PSMB9: variants seen among roughly 807,000 people sequenced by gnomAD.
The protein encoded by PSMB9 is proteasome 20S subunit beta 9.
A neutral mutation model predicts 26.9 loss-of-function variants in PSMB9; 16 were observed. That is an observed-to-expected ratio of 0.59 (90% CI 0.40 to 0.90). The LOEUF is 0.90. PSMB9 is among the 40% of genes least tolerant of loss of function. The probability of loss-of-function intolerance (pLI) is 0.00; values close to 1 mark genes in which losing one functional copy is unlikely to be tolerated. For synonymous variants in PSMB9, 91 were observed against 112.0 expected (o/e 0.81, Z 1.18); for missense variants, 253 against 292.2 (o/e 0.87, Z 0.98).
chr6:32,856,118 C>G lies in PSMB9; in HGVS notation c.61-20C>G. 6.2e-7 allele frequency: 1 copy of G among 1,609,278 alleles called. No individual in the cohort carries two copies. The highest frequency in any genetic ancestry group is 1.1e-5 in the South Asian group (1 of 90,980). ...CAAGGCTGTTCTTGCCCTGACATTC[C>G]ATATTCTGTGTCTCTGCAGACCACC... On this transcript the variant is annotated intron_variant, in intron 1 of 5. Transcript: ENST00000374859.
chr6:32,855,372 T>C (rs1429059367), intron 1 of PSMB9, among the ~76,000 whole-genome samples: 2 of 152,196 alleles, frequency 1.3e-5, no homozygotes, highest in African/African-American at 4.8e-5. Context: ...AACTCAATAG[T>C]AGAATAAATG....
At position 32,854,247 on chromosome 6, in the gene PSMB9, A is replaced by G; in HGVS notation, c.18A>G (p.Ala6=). The G allele has an allele frequency of 6.5e-7, 1 of 1,539,890 alleles. No homozygotes were observed. Among genetic ancestry groups the G allele is most frequent in the Non-Finnish European group, 8.7e-7 (1 of 1,144,170 alleles). The change falls in exon 1 of 6, where the codon GCA becomes GCG. Residue 6 remains alanine (A), a synonymous_variant. Transcript: ENST00000374859. This position sits in a 1 kb window ranked among gnomAD's most constrained non-coding sequence, Gnocchi z 4.6. MLRAG[A]PTGDLPRAGE... ...TTGCAGGGATGCTGCGGGCGGGAGCACCAACCGGGGACTTACCCCGGGCGG... is the reference window on the plus strand; with the variant it reads ...TTGCAGGGATGCTGCGGGCGGGAGCGCCAACCGGGGACTTACCCCGGGCGG...
At position 32,858,386 on chromosome 6, in the gene PSMB9, TGCTGACTCGACA is replaced by T. The variant is rs763582921; in HGVS notation, c.416_427del (p.Leu139_Gln142del). 3 of 1,612,958 alleles carry T rather than the reference TGCTGACTCGACA, an allele frequency of 1.9e-6. No homozygotes were observed. Among genetic ancestry groups the T allele is most frequent in the Non-Finnish European group, 2.5e-6 (3 of 1,179,972 alleles). The stretch of plus-strand genomic sequence containing the variant: ...CAGGTATATGGAACCCTGGGAGGAA[TGCTGACTCGACA>T]GCCTTTTGCCATTGGTGGCTCCGGC... On this transcript the variant is annotated inframe_deletion, in exon 5 of 6. Coordinates refer to ENST00000374859, the MANE Select transcript of PSMB9 (RefSeq NM_002800.5). This position sits in a 1 kb window ranked among gnomAD's most constrained non-coding sequence, Gnocchi z 5.2.
At position 32,859,679 on chromosome 6, in the gene PSMB9, C is replaced by G; in HGVS notation, c.*147C>G. ...TAGATGTCAGCATACACTCTTTCTT[C>G]TTTTGTCCCAGGTCTAAAACATCTT... On this transcript the variant is annotated 3_prime_UTR_variant, in exon 6 of 6. Transcript: ENST00000374859. 1 of 939,880 alleles carries G rather than the reference C, an allele frequency of 1.1e-6. No individual in the cohort carries two copies. Among genetic ancestry groups the G allele is most frequent in the Non-Finnish European group, 1.6e-6 (1 of 643,206 alleles). 58.2% of individuals were successfully genotyped at this position (939,880 alleles called of 1,614,324 possible). A position where few individuals can be genotyped will look rare whatever the true frequency, so the allele number is the denominator to read the frequency against.
In PSMB9 at chr6:32,858,549, A is replaced by G; in HGVS notation, c.532+44A>G. ...GGGTACCTGGGGAGGGCTTTGAAAC[A>G]TGGGAAGGAAGTAGATTATGAGGAA... is the stretch of plus-strand genomic sequence containing the variant. On this transcript the variant is annotated intron_variant, in intron 5 of 5. Transcript: ENST00000374859. This position sits in a 1 kb window ranked among gnomAD's most constrained non-coding sequence, Gnocchi z 5.2. 1 of 1,612,108 alleles carries G rather than the reference A, an allele frequency of 6.2e-7. No individual in the cohort carries two copies. Among genetic ancestry groups the G allele is most frequent in the Non-Finnish European group, 8.5e-7 (1 of 1,179,788 alleles).
Position 32,858,022 on chromosome 6 carries a change from C to T in PSMB9, c.278C>T (p.Pro93Leu). 6.2e-7 allele frequency: 1 copy of T among 1,613,098 alleles called. No individual in the cohort carries two copies. Among genetic ancestry groups the T allele is most frequent in the Non-Finnish European group, 8.5e-7 (1 of 1,180,032 alleles). Reference sequence around the variant, plus strand: ...TCCCTCAGGATAGAACTGGAGGAACCTCCACTTGTTTTGGCTGCTGCAAAT... The same window carrying T: ...TCCCTCAGGATAGAACTGGAGGAACTTCCACTTGTTTTGGCTGCTGCAAAT... ...LELHGIELEE[P>L]PLVLAAANVV... The change falls in exon 4 of 6, where the codon CCT becomes CTT. Residue 93 changes from proline to leucine, a missense_variant. Pro to Leu is a moderately conservative substitution (Grantham distance 98, BLOSUM62 -3). Coordinates refer to ENST00000374859, the MANE Select transcript of PSMB9 (RefSeq NM_002800.5). This position sits in a 1 kb window ranked among gnomAD's most constrained non-coding sequence, Gnocchi z 5.2.
rs1369376100 is a variant in PSMB9, at chr6:32,859,718, A to G, written c.*186A>G. On this transcript the variant is annotated 3_prime_UTR_variant, in exon 6 of 6. Coordinates refer to ENST00000374859, the MANE Select transcript of PSMB9 (RefSeq NM_002800.5). ...CTAAAACATCTTTCCTAGAGAAAAC[A>G]AAAGGGACTAAACTAGAAATATAAA... The G allele has an allele frequency of 9.5e-6, 6 of 633,610 alleles. No homozygotes were observed. The highest frequency in any genetic ancestry group is 1.5e-5 in the Non-Finnish European group (6 of 387,296). The allele number at this position is 633,610 out of a possible 1,614,324, so 39.2% of individuals were successfully genotyped here. A position where few individuals can be genotyped will look rare whatever the true frequency, so the allele number is the denominator to read the frequency against.
In PSMB9 at chr6:32,854,435, A is replaced by C; in HGVS notation, c.60+146A>C. 1 of 703,642 alleles carries C rather than the reference A, an allele frequency of 1.4e-6. No homozygotes were observed. The highest frequency in any genetic ancestry group is 2.0e-5 in the South Asian group (1 of 49,898). 43.6% of individuals were successfully genotyped at this position (703,642 alleles called of 1,614,324 possible). On this transcript the variant is annotated intron_variant, in intron 1 of 5. Transcript: ENST00000374859. The surrounding 1 kb of genome is among the most constrained non-coding windows in gnomAD (Gnocchi z 4.6). ...GTAGCAGCCAGCGCTTGCAACCCGC[A>C]ATGAGCATAGAGTATTTCTTTTCTG...
rs573666571 is a variant in PSMB9 at position 32,858,199 on chromosome 6, G to C, written c.390+65G>C. On this transcript the variant is annotated intron_variant, in intron 4 of 5. Coordinates refer to ENST00000374859, the MANE Select transcript of PSMB9 (RefSeq NM_002800.5). The surrounding 1 kb of genome is among the most constrained non-coding windows in gnomAD (Gnocchi z 5.2). ...CACTCTCCTGCAGAGGAAGATGGAA[G>C]TCCTATGTCATTCTAGCAATGAGTT... 1.1e-5 allele frequency: 17 copies of C among 1,604,608 alleles called. No homozygotes were observed. The Admixed American group carries it at 2.5e-4, about 24-fold the overall frequency.
At chr6:32,856,957 T>G in intron 2 of PSMB9, 1 of 197,064 alleles carries the variant, frequency 5.1e-6, no homozygotes. Context: ...TCTCAGCACT[T>G]TGGGATGCCG....
At position 32,857,391 on chromosome 6, in the gene PSMB9, A is replaced by G. The variant is rs1481186898; in HGVS notation, c.257A>G (p.His86Arg). The part of the protein sequence containing the change: ...ADMAAYQLEL[H>R]GIELEEPPLV... ...ATGGCCGCCTACCAGCTGGAGCTCC[A>G]TGGGTATGAAGCTCTGGAGTTCTGA... Residue 86 changes from histidine (H) to arginine (R), a missense_variant, in exon 3 of 6, where the codon CAT becomes CGT. Coordinates refer to ENST00000374859, the MANE Select transcript of PSMB9 (RefSeq NM_002800.5). The G allele has an allele frequency of 1.9e-6, 3 of 1,612,052 alleles. No homozygotes were observed. Among genetic ancestry groups the G allele is most frequent in the Non-Finnish European group, 2.5e-6 (3 of 1,179,918 alleles).
chr6:32,857,212 A>C (rs748135448), intron 2 of PSMB9, 51 bp from the exon 3 acceptor site: 5 of 1,516,442 alleles, frequency 3.3e-6, no homozygotes, highest in East Asian at 2.3e-5. Context: ...AAAAAAAAAA[A>C]AAAAAAAAAC....
Position 32,858,000 on chromosome 6 carries a change from C to G in PSMB9, c.261-5C>G. The stretch of plus-strand genomic sequence containing the variant: ...ATCAACCTTTATTCCTAATATTTCC[C>G]TCAGGATAGAACTGGAGGAACCTCC... On this transcript the variant is annotated splice_region_variant and splice_polypyrimidine_tract_variant and intron_variant, in intron 3 of 5. Transcript: ENST00000374859. 6.2e-7 allele frequency: 1 copy of G among 1,613,048 alleles called. No individual in the cohort carries two copies. The highest frequency in any genetic ancestry group is 1.1e-5 in the South Asian group (1 of 91,078).
Position 32,856,260 on chromosome 6 carries a change from A to T in PSMB9, c.128+55A>T, listed in dbSNP as rs1771155977. 3 of 1,532,302 alleles carry T rather than the reference A, an allele frequency of 2.0e-6. No homozygotes were observed. In the South Asian group the frequency reaches 3.4e-5, roughly 17 times the overall value. The allele number at this position is 1,532,302 out of a possible 1,614,324, so 94.9% of individuals were successfully genotyped here. A position where few individuals can be genotyped will look rare whatever the true frequency, so the allele number is the denominator to read the frequency against. On this transcript the variant is annotated intron_variant, in intron 2 of 5. Transcript: ENST00000374859. ...GAAAGAAGCTAATGGCCTCAAATAC[A>T]CACTTTCCTTACCCATTCATGAAAA...
At position 32,858,556 on chromosome 6, in the gene PSMB9, G is replaced by A. The variant is rs1406098399; in HGVS notation, c.532+51G>A. The A allele has an allele frequency of 2.5e-6, 4 of 1,610,918 alleles. No homozygotes were observed. In the African/African-American group the frequency reaches 4.0e-5, roughly 16 times the overall value. On this transcript the variant is annotated intron_variant, in intron 5 of 5. Coordinates refer to ENST00000374859, the MANE Select transcript of PSMB9 (RefSeq NM_002800.5). This position sits in a 1 kb window ranked among gnomAD's most constrained non-coding sequence, Gnocchi z 5.2. ...TGGGGAGGGCTTTGAAACATGGGAAGGAAGTAGATTATGAGGAACAGGAAG... is the reference window on the plus strand; with the variant it reads ...TGGGGAGGGCTTTGAAACATGGGAAAGAAGTAGATTATGAGGAACAGGAAG...
chr6:32,858,859 AC>A lies in PSMB9; in HGVS notation c.532+357del. ...AGGCCAGCCTAGGCAAGATGGTGAAACCCTGTCTCCACAAAAAACAATAAAA... is the reference window on the plus strand; with the variant it reads ...AGGCCAGCCTAGGCAAGATGGTGAAACCTGTCTCCACAAAAAACAATAAAA... On this transcript the variant is annotated intron_variant, in intron 5 of 5. Coordinates refer to ENST00000374859, the MANE Select transcript of PSMB9 (RefSeq NM_002800.5). The surrounding 1 kb of genome is among the most constrained non-coding windows in gnomAD (Gnocchi z 5.2). 1 of 361,722 alleles carries A rather than the reference AC, an allele frequency of 2.8e-6. No homozygotes were observed. Among genetic ancestry groups the A allele is most frequent in the South Asian group, 3.2e-5 (1 of 31,082 alleles). 22.4% of individuals were successfully genotyped at this position (361,722 alleles called of 1,614,324 possible). A position where few individuals can be genotyped will look rare whatever the true frequency, so the allele number is the denominator to read the frequency against.
At chr6:32,859,256 A>C in intron 5 of PSMB9, 149 bp from the exon 6 acceptor site, 1 of 1,045,320 alleles carries the variant, frequency 9.6e-7, no homozygotes, top group South Asian at 1.9e-5. Flanking sequence ...AAAAAAACTG[A>C]TTTACCAGCA....
At chr6:32,857,744 T>C (rs1461123668) in intron 3 of PSMB9, 2 of 560,130 alleles carry the variant, frequency 3.6e-6, no homozygotes, top group Non-Finnish European at 6.2e-6. Flanking sequence ...AGTAACCTTA[T>C]CTGCTTTTCC....
Position 32,858,382 on chromosome 6 carries a change from G to C in PSMB9, c.409G>C (p.Gly137Arg). 1 of 1,612,952 alleles carries C rather than the reference G, an allele frequency of 6.2e-7. No homozygotes were observed. Among genetic ancestry groups the C allele is most frequent in the East Asian group, 2.2e-5 (1 of 44,880 alleles). ...TTCCCAGGTATATGGAACCCTGGGA[G>C]GAATGCTGACTCGACAGCCTTTTGC... The part of the protein sequence containing the change: ...EGGQVYGTLG[G>R]MLTRQPFAIG... Residue 137 changes from glycine (G) to arginine (R), a missense_variant, in exon 5 of 6, where the codon GGA becomes CGA. Gly to Arg is a moderately radical substitution (Grantham distance 125). Transcript: ENST00000374859. This position sits in a 1 kb window ranked among gnomAD's most constrained non-coding sequence, Gnocchi z 5.2.
Sources: allele counts gnomAD v4.1 joint callset (sites outside exome capture counted in the v4.1 genomes callset), GRCh38; gene constraint gnomAD v4.1.1; non-coding constraint Gnocchi (gnomAD v3.1); transcripts MANE v1.5; gene names NCBI Gene and HGNC (gene_info 2026-07-23, HGNC 2026-07-21).